Variants in PNLIPRP3 observed in about 807,000 individuals in gnomAD.
PNLIPRP3 encodes pancreatic lipase related protein 3.
In PNLIPRP3, 58 loss-of-function variants were observed where a neutral mutation model predicts 52.8. That is an observed-to-expected ratio of 1.10 (90% CI 0.89 to 1.37). The LOEUF is 1.37. Ranked by LOEUF, PNLIPRP3 falls within the 40% of genes most tolerant of loss-of-function variation. The probability of loss-of-function intolerance (pLI) is 0.00; values close to 1 mark genes in which losing one functional copy is unlikely to be tolerated. For synonymous variants in PNLIPRP3, 192 were observed against 185.0 expected (o/e 1.04, Z -0.31); for missense variants, 593 against 561.6 (o/e 1.06, Z -0.57).
At chr10:116,470,128 A>T (rs2133156016) in intron 9 of PNLIPRP3, among the ~76,000 whole-genome samples, 1 of 150,930 alleles carries the variant, frequency 6.6e-6, no homozygotes, top group Non-Finnish European at 1.5e-5. Flanking sequence ...TTGACGACAC[A>T]GGAAGAAAGG....
intron 7 of PNLIPRP3, 27 bp from the exon 8 acceptor site, chr10:116,466,023 T>C (rs745762079): frequency 1.1e-5 from 16 of 1,467,398 alleles, no homozygotes; most frequent in Non-Finnish European, 1.4e-5. Flanking sequence ...TTAATTGCTA[T>C]CAGTTAATTG....
chr10:116,461,196 T>C lies in PNLIPRP3; in HGVS notation c.714T>C (p.His238=). The C allele has an allele frequency of 1.2e-6, 2 of 1,614,216 alleles. No homozygotes were observed. Among genetic ancestry groups the C allele is most frequent in the Non-Finnish European group, 1.7e-6 (2 of 1,180,030 alleles). ...LGVGTIDACG[H]LDFYPNGGKH... is the part of the protein sequence containing the mutation. ...TTGGAACCATTGATGCTTGTGGTCATCTTGACTTTTACCCAAATGGAGGGA... is the reference window on the plus strand; with the variant it reads ...TTGGAACCATTGATGCTTGTGGTCACCTTGACTTTTACCCAAATGGAGGGA... The change falls in exon 7 of 12, where the codon CAT becomes CAC. Residue 238 remains histidine, a synonymous_variant. Coordinates refer to ENST00000369230, the MANE Select transcript of PNLIPRP3 (RefSeq NM_001011709.3).
intron 1 of PNLIPRP3, among the ~76,000 whole-genome samples, chr10:116,433,140 A>AAAAAAAC (rs1845730440): frequency 6.7e-6 from 1 of 148,162 alleles, no homozygotes; most frequent in Non-Finnish European, 1.5e-5. Flanking sequence ...AAAAAAAAAA[A>AAAAAAAC]AAAAAAGTCT....
intron 2 of PNLIPRP3, chr10:116,439,612 C>A: frequency 1.3e-6 from 1 of 774,186 alleles, no homozygotes. Flanking sequence ...AGCTTTGCCA[C>A]CTTAGTGATG....
rs5788165 is a variant in PNLIPRP3 at position 116,458,450 on chromosome 10, CTT to C, written c.566-2501_566-2500del. On this transcript the variant is annotated intron_variant, in intron 5 of 11. Coordinates refer to ENST00000369230, the MANE Select transcript of PNLIPRP3 (RefSeq NM_001011709.3). ...CTTCCTTACGTCTTGGAAAGACTGT[CTT>C]TTTTTTTTTTTTTTAATCTGATTGC... Among the ~76,000 whole-genome samples the C allele has an allele frequency of 9.5e-3, 1,366 of 143,148 alleles. 8 individuals are homozygous for C. The highest frequency in any genetic ancestry group is 0.02 in the African/African-American group (793 of 38,934). 93.9% of individuals were successfully genotyped at this position (143,148 alleles called of 152,430 possible).
chr10:116,477,107 A>C lies in PNLIPRP3; in HGVS notation c.1358A>C (p.Gln453Pro), dbSNP rs1846482895. ...KYGYKSTFCS[Q>P]DIMGPNILQN... ...ACTTTCAGATCTACCTTCTGTAGCC[A>C]AGACATTATGGGACCTAATATTCTC... The change falls in exon 12 of 12, where the codon CAA becomes CCA. Residue 453 changes from glutamine (Q) to proline (P), a missense_variant. Physicochemically the swap from Gln to Pro is moderately conservative, Grantham distance 76. Coordinates refer to ENST00000369230, the MANE Select transcript of PNLIPRP3 (RefSeq NM_001011709.3). 4.4e-6 allele frequency: 7 copies of C among 1,597,034 alleles called. No individual in the cohort carries two copies. The highest frequency in any genetic ancestry group is 6.0e-6 in the Non-Finnish European group (7 of 1,168,462).
At chr10:116,464,262 CAG>C (rs1846243205) in intron 7 of PNLIPRP3, among the ~76,000 whole-genome samples, 1 of 152,126 alleles carries the variant, frequency 6.6e-6, no homozygotes, top group African/African-American at 2.4e-5. Context: ...CTTGCAGAAA[CAG>C]AGAGGCAGAG....
At chr10:116,437,365 G>A (rs565945365) in intron 2 of PNLIPRP3, among the ~76,000 whole-genome samples, 7 of 152,126 alleles carry the variant, frequency 4.6e-5, no homozygotes, top group Non-Finnish European at 1.0e-4. Context: ...ACATTTTGAG[G>A]AGGACATGTA....
At chr10:116,434,755 G>A (rs1237334955) in intron 1 of PNLIPRP3, among the ~76,000 whole-genome samples, 1 of 152,138 alleles carries the variant, frequency 6.6e-6, no homozygotes, top group Non-Finnish European at 1.5e-5. Flanking sequence ...GCATTCTAGG[G>A]AAAACAGAAG....
intron 2 of PNLIPRP3, among the ~76,000 whole-genome samples, chr10:116,438,538 T>A (rs1053350739): frequency 3.3e-5 from 5 of 152,234 alleles, no homozygotes; most frequent in Non-Finnish European, 1.5e-5. Flanking sequence ...GCCAGCTATC[T>A]GTAGATGAGT....
At position 116,477,344 on chromosome 10, in the gene PNLIPRP3, C is replaced by G. The variant is rs773120611; in HGVS notation, c.*191C>G. 9 of 434,018 alleles carry G rather than the reference C, an allele frequency of 2.1e-5. No homozygotes were observed. The highest frequency in any genetic ancestry group is 3.2e-5 in the Non-Finnish European group (8 of 247,324). 26.9% of individuals were successfully genotyped at this position (434,018 alleles called of 1,614,324 possible). ...CATCTAACTGCACCTTAAAAACACA[C>G]TGAACCCTGGGACAAAAGATAATTA... On this transcript the variant is annotated 3_prime_UTR_variant, in exon 12 of 12. Coordinates refer to ENST00000369230, the MANE Select transcript of PNLIPRP3 (RefSeq NM_001011709.3).
chr10:116,477,165 G>A lies in PNLIPRP3; in HGVS notation c.*12G>A. The A allele has an allele frequency of 6.4e-7, 1 of 1,571,584 alleles. No homozygotes were observed. Among genetic ancestry groups the A allele is most frequent in the Non-Finnish European group, 8.7e-7 (1 of 1,147,268 alleles). ...TGAAACCATGCTAATCTCAGATACA[G>A]TCTTGATGGATTTCTTTAGTAGGAG... On this transcript the variant is annotated 3_prime_UTR_variant, in exon 12 of 12. Coordinates refer to ENST00000369230, the MANE Select transcript of PNLIPRP3 (RefSeq NM_001011709.3).
chr10:116,458,025 T>C (rs560547020), intron 5 of PNLIPRP3, among the ~76,000 whole-genome samples: 54 of 152,256 alleles, frequency 3.5e-4, no homozygotes, highest in African/African-American at 1.3e-3. Flanking sequence ...ATTTTAGCTG[T>C]ATAATTAACC....
At chr10:116,475,078 A>T (rs1846437571) in intron 10 of PNLIPRP3, among the ~76,000 whole-genome samples, 1 of 152,238 alleles carries the variant, frequency 6.6e-6, no homozygotes, top group Non-Finnish European at 1.5e-5. Flanking sequence ...TGTGGTACTT[A>T]TATACCATGG....
At chr10:116,450,126 A>C (rs1564697987) in intron 4 of PNLIPRP3, among the ~76,000 whole-genome samples, 2 of 152,196 alleles carry the variant, frequency 1.3e-5, no homozygotes, top group Admixed American at 6.5e-5. Flanking sequence ...TATAGTGATA[A>C]ACACCTAAAT....
Position 116,466,093 on chromosome 10 carries a change from A to G in PNLIPRP3, c.852A>G (p.Gln284=). The G allele has an allele frequency of 6.2e-7, 1 of 1,613,902 alleles. No homozygotes were observed. The highest frequency in any genetic ancestry group is 8.5e-7 in the Non-Finnish European group (1 of 1,179,940). The stretch of plus-strand genomic sequence containing the variant: ...ACTGTAACCATGCCCGAAGTTATCA[A>G]TTTTATGCTGAAAGCATTCTTAATC... ...FFDCNHARSY[Q]FYAESILNPD... The change falls in exon 8 of 12, where the codon CAA becomes CAG. Residue 284 remains glutamine (Q), a synonymous_variant. Coordinates refer to ENST00000369230, the MANE Select transcript of PNLIPRP3 (RefSeq NM_001011709.3).
intron 7 of PNLIPRP3, among the ~76,000 whole-genome samples, chr10:116,464,501 C>T (rs1490266803): frequency 6.6e-6 from 1 of 152,334 alleles, no homozygotes; most frequent in Non-Finnish European, 1.5e-5. Context: ...GGATCTCACA[C>T]CTGCCAAGGG....
At chr10:116,452,987 G>T (rs1846060650) in intron 4 of PNLIPRP3, among the ~76,000 whole-genome samples, 1 of 152,232 alleles carries the variant, frequency 6.6e-6, no homozygotes, top group Non-Finnish European at 1.5e-5. Flanking sequence ...CAGAATGTTA[G>T]ATCCACTGGA....
At chr10:116,475,287 G>A (rs1207921703) in intron 10 of PNLIPRP3, among the ~76,000 whole-genome samples, 3 of 152,186 alleles carry the variant, frequency 2.0e-5, no homozygotes, top group Non-Finnish European at 4.4e-5. Flanking sequence ...CTATCAGAGG[G>A]TGAAGGGTGG....
Sources: allele counts gnomAD v4.1 joint callset (sites outside exome capture counted in the v4.1 genomes callset), GRCh38; gene constraint gnomAD v4.1.1; transcripts MANE v1.5; gene names NCBI Gene and HGNC (gene_info 2026-07-23, HGNC 2026-07-21).